The following NEGR1 variants were observed in gnomAD, a reference collection of about 807,000 sequenced individuals.
NEGR1 encodes the protein neuronal growth regulator 1.
Under a neutral mutation model 40.9 loss-of-function variants are expected in NEGR1, and 10 were observed. That is an observed-to-expected ratio of 0.24 (90% CI 0.15 to 0.42). The LOEUF (loss-of-function observed/expected upper bound fraction) is 0.42. NEGR1 is among the 10% of genes least tolerant of loss of function. NEGR1 has a pLI of 1.00. For synonymous variants in NEGR1, 185 were observed against 166.8 expected (o/e 1.11, Z -0.84); for missense variants, 352 against 438.9 (o/e 0.80, Z 1.77).
At chr1:71,707,188 G>A (rs1653930064) in intron 3 of NEGR1, among the ~76,000 whole-genome samples, 1 of 152,140 alleles carries the variant, frequency 6.6e-6, no homozygotes, top group East Asian at 1.9e-4. Context: ...GGAGCACCAA[G>A]TGGGCTCTTG....
At chr1:72,145,164 A>G (rs1301357986) in intron 1 of NEGR1, among the ~76,000 whole-genome samples, 1 of 152,110 alleles carries the variant, frequency 6.6e-6, no homozygotes, top group Admixed American at 6.6e-5. Context: ...ATTCAGTGAA[A>G]TTACATACTA....
At chr1:71,824,071 A>G (rs1286489009) in intron 2 of NEGR1, among the ~76,000 whole-genome samples, 1 of 151,996 alleles carries the variant, frequency 6.6e-6, no homozygotes, top group Admixed American at 6.6e-5. Flanking sequence ...TAAACATAAA[A>G]TATAATCCTG....
At chr1:71,662,694 TATATA>T (rs1014764062) in intron 4 of NEGR1, among the ~76,000 whole-genome samples, 1 of 151,176 alleles carries the variant, frequency 6.6e-6, no homozygotes, top group Admixed American at 6.6e-5. Context: ...CAAGAATATA[TATATA>T]ATATTATAAA....
At chr1:71,539,945 A>G (rs954412824) in intron 6 of NEGR1, among the ~76,000 whole-genome samples, 2 of 151,794 alleles carry the variant, frequency 1.3e-5, no homozygotes, top group African/African-American at 4.8e-5. Context: ...GAGATTTGAA[A>G]GAATGATTTG....
In NEGR1 at chr1:72,218,024, C is replaced by A. The variant is rs1235544419; in HGVS notation, c.176+64295G>T. 2.6e-5 allele frequency among the ~76,000 whole-genome samples: 4 copies of A among 151,866 alleles called. No homozygotes were observed. The East Asian group carries it at 7.7e-4, about 29-fold the overall frequency. ...ATTTTAATTGAAGAAATTCTTTATA[C>A]AGTAAAACTTTGGATTTTTCCTGTT... is the stretch of plus-strand genomic sequence containing the variant. On this transcript the variant is annotated intron_variant, in intron 1 of 6. Transcript: ENST00000357731.
intron 6 of NEGR1, among the ~76,000 whole-genome samples, chr1:71,528,574 T>G (rs12735787): frequency 0.13 from 19,851 of 151,318 alleles, 1,888 homozygotes; most frequent in African/African-American, 0.27. Context: ...AAAATTATTT[T>G]CTAAGTACAT....
At chr1:72,036,958 T>A (rs2100449171) in intron 1 of NEGR1, among the ~76,000 whole-genome samples, 1 of 152,256 alleles carries the variant, frequency 6.6e-6, no homozygotes, top group East Asian at 1.9e-4. Flanking sequence ...ATGGATGATG[T>A]AAATCCTATA....
intron 3 of NEGR1, among the ~76,000 whole-genome samples, chr1:71,704,978 T>G (rs1188507541): frequency 6.6e-6 from 1 of 151,958 alleles, no homozygotes; most frequent in Non-Finnish European, 1.5e-5. Flanking sequence ...AATTAAACAA[T>G]ATGAATCACT....
intron 1 of NEGR1, among the ~76,000 whole-genome samples, chr1:72,181,822 T>C (rs990701080): frequency 6.6e-6 from 1 of 152,068 alleles, no homozygotes; most frequent in African/African-American, 2.4e-5. Context: ...CACTTATATG[T>C]GGAGTCTTAA....
At chr1:72,105,753 G>C (rs1024990550) in intron 1 of NEGR1, among the ~76,000 whole-genome samples, 14 of 152,036 alleles carry the variant, frequency 9.2e-5, no homozygotes, top group Non-Finnish European at 1.8e-4. Context: ...AATGGGTAGG[G>C]AAAGGAAGGA....
intron 3 of NEGR1, among the ~76,000 whole-genome samples, chr1:71,739,212 A>C (rs1168648207): frequency 1.2e-4 from 18 of 147,846 alleles, no homozygotes; most frequent in Admixed American, 4.7e-4. Flanking sequence ...AAAAAAAAAA[A>C]AAAAACAAAA....
intron 6 of NEGR1, among the ~76,000 whole-genome samples, chr1:71,421,916 CTTT>C (rs199992043): frequency 2.1e-5 from 3 of 143,354 alleles, no homozygotes; most frequent in African/African-American, 2.6e-5. Flanking sequence ...CCTTGTTACA[CTTT>C]TTTTTTTTTT....
chr1:71,635,923 G>T (rs930220601), intron 4 of NEGR1, among the ~76,000 whole-genome samples: 10 of 151,720 alleles, frequency 6.6e-5, no homozygotes, highest in African/African-American at 2.4e-4. Flanking sequence ...TTCTTGATCT[G>T]GGATAACTAT....
chr1:72,174,499 T>A lies in NEGR1; in HGVS notation c.176+107820A>T, dbSNP rs1162045248. Among the ~76,000 whole-genome samples the A allele has an allele frequency of 3.9e-5, 6 of 152,148 alleles. No individual in the cohort carries two copies. In the East Asian group the frequency reaches 1.2e-3, roughly 29 times the overall value. On this transcript the variant is annotated intron_variant, in intron 1 of 6. Transcript: ENST00000357731. ...TGTGTGCTGTCTATTCATTTCTTTC[T>A]CCCCTCCAACTCTGAGTAAACATTG...
At chr1:71,790,047 C>A (rs1028040287) in intron 2 of NEGR1, among the ~76,000 whole-genome samples, 1 of 152,014 alleles carries the variant, frequency 6.6e-6, no homozygotes, top group South Asian at 2.1e-4. Flanking sequence ...GCCAAAATAA[C>A]CCAATTTACC....
intron 1 of NEGR1, among the ~76,000 whole-genome samples, chr1:72,035,425 T>C (rs1456510920): frequency 6.6e-6 from 1 of 152,166 alleles, no homozygotes; most frequent in Non-Finnish European, 1.5e-5. Context: ...CTGACTTAAG[T>C]ATCACTTCCC....
chr1:71,705,849 A>AAGGAAGAG (rs1405093375), intron 3 of NEGR1, among the ~76,000 whole-genome samples: 1 of 151,886 alleles, frequency 6.6e-6, no homozygotes, highest in Non-Finnish European at 1.5e-5. Context: ...AGAGAGAAGG[A>AAGGAAGAG]AGGAAGAGAG....
intron 1 of NEGR1, among the ~76,000 whole-genome samples, chr1:72,120,514 C>CT (rs146818315): frequency 0.14 from 20,631 of 148,838 alleles, 1,618 homozygotes; most frequent in South Asian, 0.2. Context: ...TTTTTTCTTT[C>CT]TTTTTTTTAT....
At chr1:71,795,496 T>C (rs1202420017) in intron 2 of NEGR1, among the ~76,000 whole-genome samples, 15 of 152,140 alleles carry the variant, frequency 9.9e-5, no homozygotes, top group Admixed American at 7.9e-4. Context: ...TTGCCATCTA[T>C]ACTCAAGAAA....
Sources: gnomAD v4.1 joint callset for allele counts (sites outside exome capture counted in the v4.1 genomes callset) on GRCh38, gnomAD v4.1.1 for gene constraint, MANE v1.5 for transcripts, NCBI Gene and HGNC (gene_info 2026-07-23, HGNC 2026-07-21) for gene names.